PRXL2A: variants seen among roughly 807,000 people sequenced by gnomAD.
The protein encoded by PRXL2A is peroxiredoxin-like 2A.
PRXL2A carries 26 observed loss-of-function variants against 25.6 expected under a neutral mutation model. That is an observed-to-expected ratio of 1.02 (90% CI 0.74 to 1.41). PRXL2A has a LOEUF of 1.41. Ranked by LOEUF, PRXL2A falls within the 40% of genes most tolerant of loss-of-function variation. The pLI is 0.00. For missense variants in PRXL2A, 246 were observed against 273.9 expected, an observed-to-expected ratio of 0.90 and a Z score of 0.72; for synonymous variants, 98 against 102.9, an observed-to-expected ratio of 0.95 and a Z score of 0.29.
chr10:80,414,621 G>A (rs1412200198), intron 1 of PRXL2A, among the ~76,000 whole-genome samples: 3 of 152,146 alleles, frequency 2.0e-5, no homozygotes. Context: ...AATGTGTGGC[G>A]AGGAAAGGTA....
rs542256748 is a variant in PRXL2A, at chr10:80,414,756, A to G, written c.-2-5710A>G. On this transcript the variant is annotated intron_variant, in intron 1 of 5. Transcript: ENST00000606162. ...ACCTCAGTGTTAGCTGCTAAACAGG[A>G]TAATCTTTGCATCACAAGACTGTTG... Among the ~76,000 whole-genome samples the G allele has an allele frequency of 5.9e-5, 9 of 152,308 alleles. No individual in the cohort carries two copies. The East Asian group carries it at 1.2e-3, about 20-fold the overall frequency.
rs1399794756 is a variant in PRXL2A at position 80,436,857 on chromosome 10, G to C, written c.*4758G>C. 2 of 152,438 alleles carry C rather than the reference G, an allele frequency of 1.3e-5. No homozygotes were observed. The highest frequency in any genetic ancestry group is 2.9e-5 in the Non-Finnish European group (2 of 68,118). 9.4% of individuals were successfully genotyped at this position (152,438 alleles called of 1,614,324 possible). ...ACTGTCGTAAGATACCCATTCCAGA[G>C]AGGGTCCCACCCCGTGCCCAGAAGG... On this transcript the variant is annotated 3_prime_UTR_variant, in exon 6 of 6. Coordinates refer to ENST00000606162, the MANE Select transcript of PRXL2A (RefSeq NM_032333.5).
chr10:80,410,615 T>C (rs2131873817), intron 1 of PRXL2A, among the ~76,000 whole-genome samples: 1 of 152,388 alleles, frequency 6.6e-6, no homozygotes, highest in South Asian at 2.1e-4. Flanking sequence ...AAATTGCTCT[T>C]CTTATATAAT....
chr10:80,412,914 A>G (rs1406240598), intron 1 of PRXL2A, among the ~76,000 whole-genome samples: 2 of 152,194 alleles, frequency 1.3e-5, no homozygotes, highest in Non-Finnish European at 2.9e-5. Context: ...GGCTTGGAAA[A>G]TAAACTATAG....
At chr10:80,416,221 T>C (rs1490078454) in intron 1 of PRXL2A, among the ~76,000 whole-genome samples, 3 of 152,254 alleles carry the variant, frequency 2.0e-5, no homozygotes, top group Non-Finnish European at 2.9e-5. Flanking sequence ...GGTTCTTTCC[T>C]GTTTGTCCCA....
intron 5 of PRXL2A, among the ~76,000 whole-genome samples, chr10:80,429,607 G>T (rs1208858743): frequency 1.1e-5 from 1 of 93,466 alleles, no homozygotes; most frequent in East Asian, 3.8e-4. Flanking sequence ...GCCCTGCCCT[G>T]CCCTGCCCCT....
At chr10:80,418,747 G>C (rs191538584) in intron 1 of PRXL2A, among the ~76,000 whole-genome samples, 166 of 152,280 alleles carry the variant, frequency 1.1e-3, no homozygotes, top group African/African-American at 3.7e-3. Flanking sequence ...TGGAAAGATA[G>C]ATATTGTAAG....
intron 1 of PRXL2A, chr10:80,420,116 T>A: frequency 1.0e-6 from 1 of 996,194 alleles, no homozygotes; most frequent in Non-Finnish European, 1.2e-6. Flanking sequence ...GTAGTCTGCC[T>A]ACAGGGGACA....
chr10:80,408,183 A>C (rs1454548491), upstream of PRXL2A, among the ~76,000 whole-genome samples: 1 of 151,908 alleles, frequency 6.6e-6, no homozygotes, highest in African/African-American at 2.4e-5. Flanking sequence ...AAAAAAAAAA[A>C]AACCTATCAA....
At chr10:80,416,303 T>C (rs991491475) in intron 1 of PRXL2A, among the ~76,000 whole-genome samples, 1 of 152,226 alleles carries the variant, frequency 6.6e-6, no homozygotes, top group African/African-American at 2.4e-5. Context: ...CATGCACTTG[T>C]GGTGAGCCTG....
rs141578885 is a variant in PRXL2A, at chr10:80,427,411, G to C, written c.491G>C (p.Arg164Pro). 28 of 1,614,016 alleles carry C rather than the reference G, an allele frequency of 1.7e-5. No homozygotes were observed. Among genetic ancestry groups the C allele is most frequent in the Non-Finnish European group, 2.3e-5 (27 of 1,180,042 alleles). ...IRLGVWYNFF[R>P]AWNGGFSGNL... ...CTGGGAGTGTGGTACAACTTCTTCC[G>C]AGCCTGGAACGGAGGCTTCTCTGGA... The change falls in exon 5 of 6, where the codon CGA (arginine) becomes CCA (proline). Residue 164 changes from arginine to proline, a missense_variant. Transcript: ENST00000606162.
chr10:80,420,999 C>T (rs79863649), intron 2 of PRXL2A, among the ~76,000 whole-genome samples: 3,393 of 152,274 alleles, frequency 0.022, 50 homozygotes, highest in Middle Eastern at 0.034. Flanking sequence ...TTTTACTAAA[C>T]CAGTGCTTCC....
intron 5 of PRXL2A, among the ~76,000 whole-genome samples, chr10:80,431,273 C>A (rs1365192131): frequency 1.3e-5 from 2 of 148,566 alleles, no homozygotes; most frequent in Non-Finnish European, 3.0e-5. Context: ...TGCCCATAAT[C>A]TCTGCAGTGT....
At chr10:80,413,965 CAG>C in intron 1 of PRXL2A, 1 of 788,522 alleles carries the variant, frequency 1.3e-6, no homozygotes, top group Non-Finnish European at 1.6e-6. Flanking sequence ...AGGAAAGAGA[CAG>C]GGTCTCGAAG....
rs906901514 is a variant in PRXL2A at position 80,436,825 on chromosome 10, G to C, written c.*4726G>C. On this transcript the variant is annotated 3_prime_UTR_variant, in exon 6 of 6. Transcript: ENST00000606162. ...TTGGAAAGAAATGATCTGACCTACC[G>C]TGTTTGACTGTCGTAAGATACCCAT... The C allele has an allele frequency of 6.7e-6, 1 of 150,314 alleles. No individual in the cohort carries two copies. The highest frequency in any genetic ancestry group is 2.1e-4 in the South Asian group (1 of 4,808). The allele number at this position is 150,314 out of a possible 1,614,324, so 9.3% of individuals were successfully genotyped here. A position where few individuals can be genotyped will look rare whatever the true frequency, so the allele number is the denominator to read the frequency against.
rs1845334329 is a variant in PRXL2A at position 80,433,867 on chromosome 10, C to T, written c.*1768C>T. Reference sequence around the variant, plus strand: ...GAACCTGAGGTCAGGTGTGGTGGCTCACGCCTGTAATCCTAGCACTTTGGG... The same window carrying T: ...GAACCTGAGGTCAGGTGTGGTGGCTTACGCCTGTAATCCTAGCACTTTGGG... On this transcript the variant is annotated 3_prime_UTR_variant, in exon 6 of 6. Coordinates refer to ENST00000606162, the MANE Select transcript of PRXL2A (RefSeq NM_032333.5). The T allele has an allele frequency of 6.6e-6, 1 of 152,240 alleles. No homozygotes were observed. Among genetic ancestry groups the T allele is most frequent in the Non-Finnish European group, 1.5e-5 (1 of 68,070 alleles). 9.4% of individuals were successfully genotyped at this position (152,240 alleles called of 1,614,324 possible). A position where few individuals can be genotyped will look rare whatever the true frequency, so the allele number is the denominator to read the frequency against.
intron 1 of PRXL2A, chr10:80,420,063 T>G (rs1049418786): frequency 1.1e-5 from 11 of 986,140 alleles, no homozygotes; most frequent in Non-Finnish European, 1.3e-5. Context: ...GCCACCTGGA[T>G]TGTGAGGGAG....
chr10:80,422,544 TC>T, intron 3 of PRXL2A, 36 bp downstream of exon 3: 2 of 1,542,622 alleles, frequency 1.3e-6, no homozygotes, highest in Non-Finnish European at 1.8e-6. Context: ...GAGAAAGGGA[TC>T]CTGGCAAGTA....
In PRXL2A at chr10:80,420,516, A is replaced by G. The variant is rs950728816; in HGVS notation, c.49A>G (p.Ile17Val). 1.9e-6 allele frequency: 3 copies of G among 1,611,920 alleles called. No homozygotes were observed. The highest frequency in any genetic ancestry group is 1.1e-5 in the South Asian group (1 of 90,518). ...PSFFTMGMWSIGAGALGAAAL... is the reference protein window; with the variant it reads ...PSFFTMGMWSVGAGALGAAAL... ...TTTCTTCACCATGGGGATGTGGTCC[A>G]TTGGTGCAGGAGCCCTGGGGGCTGC... The change falls in exon 2 of 6, where the codon ATT becomes GTT. Residue 17 changes from isoleucine to valine, a missense_variant. Transcript: ENST00000606162.
Sources: gnomAD v4.1 joint callset for allele counts (sites outside exome capture counted in the v4.1 genomes callset) on GRCh38, gnomAD v4.1.1 for gene constraint, MANE v1.5 for transcripts, NCBI Gene and HGNC (gene_info 2026-07-23, HGNC 2026-07-21) for gene names.